The following RNFT2 variants were observed in gnomAD, a reference collection of about 807,000 sequenced individuals.
RNFT2 encodes ring finger protein, transmembrane 2.
A neutral mutation model predicts 53.0 loss-of-function variants in RNFT2; 36 were observed. The observed-to-expected ratio is 0.68, with a 90% CI of 0.52 to 0.90. The LOEUF is 0.90. RNFT2 is among the 40% of genes least tolerant of loss of function. The pLI is 0.00. For missense variants in RNFT2, 514 were observed against 585.6 expected (o/e 0.88, Z 1.26); for synonymous variants, 260 against 253.2 (o/e 1.03, Z -0.26).
At chr12:116,803,034 G>A (rs1336449554) in intron 7 of RNFT2, among the ~76,000 whole-genome samples, 1 of 152,110 alleles carries the variant, frequency 6.6e-6, no homozygotes, top group Non-Finnish European at 1.5e-5. Flanking sequence ...GGCAGAGGAT[G>A]CAGTGAGCCG....
At chr12:116,793,072 G>T (rs1007416114) in intron 7 of RNFT2, among the ~76,000 whole-genome samples, 2 of 151,960 alleles carry the variant, frequency 1.3e-5, no homozygotes, top group Non-Finnish European at 2.9e-5. Flanking sequence ...CTCATACCTG[G>T]GCCTTCTAGG....
rs565036171 is a variant in RNFT2 at position 116,742,057 on chromosome 12, A to G, written c.83+963A>G. Among the ~76,000 whole-genome samples, 6 of 152,200 alleles carry G rather than the reference A, an allele frequency of 3.9e-5. No homozygotes were observed. In the East Asian group the frequency reaches 1.2e-3, roughly 29 times the overall value. On this transcript the variant is annotated intron_variant, in intron 3 of 10. Coordinates refer to ENST00000257575, the MANE Select transcript of RNFT2 (RefSeq NM_001382266.1). ...GAAAGATGAGATTTTTATTTCTTCCATTTCTCAAGATGAAGGGGCATACTA... is the reference window on the plus strand; with the variant it reads ...GAAAGATGAGATTTTTATTTCTTCCGTTTCTCAAGATGAAGGGGCATACTA...
In RNFT2 at chr12:116,778,334, C is replaced by T. The variant is rs931725829; in HGVS notation, c.729-861C>T. ...TCCATGAGTGGTTTGGTGTCGTTCT[C>T]ATGACAGTGAGTTCTTGCTCTGGTA... On this transcript the variant is annotated intron_variant, in intron 6 of 10. Transcript: ENST00000257575. Among the ~76,000 whole-genome samples the T allele has an allele frequency of 7.9e-5, 12 of 152,274 alleles. No homozygotes were observed. In the East Asian group the frequency reaches 2.3e-3, roughly 29 times the overall value.
intron 5 of RNFT2, among the ~76,000 whole-genome samples, chr12:116,760,373 A>C (rs1328237252): frequency 6.6e-6 from 1 of 152,088 alleles, no homozygotes; most frequent in African/African-American, 2.4e-5. Context: ...GAGGCTTCTT[A>C]CCCTGTTCAA....
In RNFT2 at chr12:116,853,279, G is replaced by T. The variant is rs370589867; in HGVS notation, c.*3831G>T. The T allele has an allele frequency of 2.5e-6, 1 of 398,462 alleles. No homozygotes were observed. Among genetic ancestry groups the T allele is most frequent in the Non-Finnish European group, 4.4e-6 (1 of 226,102 alleles). The allele number at this position is 398,462 out of a possible 1,614,324, so 24.7% of individuals were successfully genotyped here. On this transcript the variant is annotated 3_prime_UTR_variant, in exon 11 of 11. Coordinates refer to ENST00000257575, the MANE Select transcript of RNFT2 (RefSeq NM_001382266.1). ...GTAAGTAGGGTTAATCGAGTATCAGGTTCACAGTATCCTGCCCTTATTATT... is the reference window on the plus strand; with the variant it reads ...GTAAGTAGGGTTAATCGAGTATCAGTTTCACAGTATCCTGCCCTTATTATT...
intron 3 of RNFT2, among the ~76,000 whole-genome samples, chr12:116,742,734 G>A (rs1164651077): frequency 6.6e-6 from 1 of 152,130 alleles, no homozygotes; most frequent in Admixed American, 6.6e-5. Flanking sequence ...CCTGAGTCCA[G>A]GAGTTAGTTG....
intron 7 of RNFT2, among the ~76,000 whole-genome samples, chr12:116,794,457 G>T (rs1158112146): frequency 6.6e-6 from 1 of 151,184 alleles, no homozygotes; most frequent in African/African-American, 2.4e-5. Context: ...AATTAGTCAG[G>T]TGTGGTGGTG....
intron 7 of RNFT2, among the ~76,000 whole-genome samples, chr12:116,824,091 C>T (rs530828174): frequency 1.1e-4 from 17 of 152,276 alleles, no homozygotes; most frequent in South Asian, 2.1e-4. Flanking sequence ...CCCAGGGCCA[C>T]GTTTCTTTCC....
At chr12:116,746,468 G>T (rs1871899082) in intron 3 of RNFT2, among the ~76,000 whole-genome samples, 1 of 152,226 alleles carries the variant, frequency 6.6e-6, no homozygotes, top group African/African-American at 2.4e-5. Flanking sequence ...TGAGGGTGCA[G>T]TGAGAGCAAG....
At chr12:116,740,233 G>A in intron 1 of RNFT2, 112 bp from the exon 2 acceptor site, 1 of 370,642 alleles carries the variant, frequency 2.7e-6, no homozygotes, top group Admixed American at 3.8e-5. Context: ...GCTACCCAGA[G>A]ATACTGAGCA....
At chr12:116,763,003 T>C (rs142899873) in intron 5 of RNFT2, among the ~76,000 whole-genome samples, 11,320 of 152,122 alleles carry the variant, frequency 0.074, 573 homozygotes, top group Non-Finnish European at 0.11. Context: ...GATTGCTTGA[T>C]CCCAGGAGTT....
Position 116,849,693 on chromosome 12 carries a change from G to T in RNFT2, c.*245G>T. 1 of 1,250,324 alleles carries T rather than the reference G, an allele frequency of 8.0e-7. No homozygotes were observed. The highest frequency in any genetic ancestry group is 1.0e-6 in the Non-Finnish European group (1 of 995,232). The allele number at this position is 1,250,324 out of a possible 1,614,324, so 77.5% of individuals were successfully genotyped here. The stretch of plus-strand genomic sequence containing the variant: ...GACGTCTTCCTAACTCAGACTTGAT[G>T]CCCTTCTAGATGCATCTTCCTTCTC... On this transcript the variant is annotated 3_prime_UTR_variant, in exon 11 of 11. Transcript: ENST00000257575.
At chr12:116,841,906 TAAATATATATATAA>T (rs1310342667) in intron 10 of RNFT2, among the ~76,000 whole-genome samples, 5 of 38,920 alleles carry the variant, frequency 1.3e-4, no homozygotes, top group African/African-American at 6.2e-4. Context: ...TATATATATA[TAAATATATATATAA>T]AAATATATAT....
rs534175040 is a variant in RNFT2 at position 116,794,495 on chromosome 12, G to A, written c.882+15147G>A. On this transcript the variant is annotated intron_variant, in intron 7 of 10. Transcript: ENST00000257575. ...CACCTGCAATCCCAGCTACGCGGGA[G>A]GCTGAGGTGGGAGGATTGCTTGAAC... is the stretch of plus-strand genomic sequence containing the variant. Among the ~76,000 whole-genome samples the A allele has an allele frequency of 2.0e-4, 30 of 151,770 alleles. No individual in the cohort carries two copies. In the South Asian group the frequency reaches 6.0e-3, roughly 31 times the overall value.
intron 7 of RNFT2, among the ~76,000 whole-genome samples, chr12:116,806,437 T>C (rs1875084789): frequency 7.4e-6 from 1 of 135,042 alleles, no homozygotes; most frequent in Non-Finnish European, 1.7e-5. Context: ...TAGATTCATC[T>C]AGTTTAATCT....
At chr12:116,806,375 AAAAAAAAT>A (rs1210277377) in intron 7 of RNFT2, among the ~76,000 whole-genome samples, 2 of 97,762 alleles carry the variant, frequency 2.0e-5, no homozygotes, top group Admixed American at 2.0e-4. Flanking sequence ...CTCAAAAAAA[AAAAAAAAT>A]ATATATATAT....
chr12:116,744,404 A>G (rs1871800320), intron 3 of RNFT2, among the ~76,000 whole-genome samples: 1 of 151,990 alleles, frequency 6.6e-6, no homozygotes, highest in Non-Finnish European at 1.5e-5. Context: ...ACAGCAGGAA[A>G]CTCAAACCGT....
chr12:116,761,540 G>A (rs1030826870), intron 5 of RNFT2, among the ~76,000 whole-genome samples: 3 of 152,154 alleles, frequency 2.0e-5, no homozygotes. Context: ...CCTCCTGCAT[G>A]TCCTCTGTGT....
Position 116,779,217 on chromosome 12 carries a change from C to T in RNFT2, c.751C>T (p.Leu251=), listed in dbSNP as rs1873577916. 7 of 1,614,030 alleles carry T rather than the reference C, an allele frequency of 4.3e-6. No individual in the cohort carries two copies. Among genetic ancestry groups the T allele is most frequent in the African/African-American group, 4.0e-5 (3 of 75,066 alleles). ...YNSLIFLKPN[L]EMLDFFDLLW... ...CAGCCTCATATTCCTGAAGCCCAACCTGGAGATGCTGGACTTCTTTGACCT... is the reference window on the plus strand; with the variant it reads ...CAGCCTCATATTCCTGAAGCCCAACTTGGAGATGCTGGACTTCTTTGACCT... Residue 251 remains leucine, a synonymous_variant, in exon 7 of 11, where the codon CTG becomes TTG. Coordinates refer to ENST00000257575, the MANE Select transcript of RNFT2 (RefSeq NM_001382266.1).
Sources: gnomAD v4.1 joint callset for allele counts (sites outside exome capture counted in the v4.1 genomes callset) on GRCh38, gnomAD v4.1.1 for gene constraint, MANE v1.5 for transcripts, NCBI Gene and HGNC (gene_info 2026-07-23, HGNC 2026-07-21) for gene names.